CDKL4: variants seen among roughly 807,000 people sequenced by gnomAD.
CDKL4 encodes the protein cyclin-dependent kinase-like 4.
CDKL4 carries 44 observed loss-of-function variants against 42.0 expected under a neutral mutation model. The observed-to-expected ratio is 1.05, with a 90% CI of 0.82 to 1.35. The LOEUF (loss-of-function observed/expected upper bound fraction) is 1.35. CDKL4 is among the 40% of genes most tolerant of loss of function. The probability of loss-of-function intolerance (pLI) is 0.00; values close to 1 mark genes in which losing one functional copy is unlikely to be tolerated. For missense variants in CDKL4, 393 were observed against 369.9 expected (o/e 1.06, Z -0.51); for synonymous variants, 120 against 121.6 (o/e 0.99, Z 0.09).
At chr2:39,179,123 G>A in intron 9 of CDKL4, 64 bp downstream of exon 9, 1 of 1,560,134 alleles carries the variant, frequency 6.4e-7, no homozygotes, top group Non-Finnish European at 8.6e-7. Flanking sequence ...CACTTTGAAA[G>A]GCAGACAAAC....
intron 5 of CDKL4, among the ~76,000 whole-genome samples, chr2:39,194,814 C>G (rs1676415373): frequency 6.6e-6 from 1 of 152,034 alleles, no homozygotes; most frequent in Non-Finnish European, 1.5e-5. Flanking sequence ...TGGTAAAATA[C>G]ACATAATATA....
At chr2:39,185,057 TAAC>T (rs1232085039) in intron 7 of CDKL4, among the ~76,000 whole-genome samples, 2 of 149,194 alleles carry the variant, frequency 1.3e-5, no homozygotes, top group South Asian at 2.1e-4. Flanking sequence ...ATATTAGTAA[TAAC>T]AACACTTTAA....
At chr2:39,172,397 T>C (rs1407550031), downstream of CDKL4, among the ~76,000 whole-genome samples, 2 of 152,038 alleles carry the variant, frequency 1.3e-5, no homozygotes, top group Non-Finnish European at 2.9e-5. Flanking sequence ...GCAACTGTTG[T>C]TCATGGGCTG....
At chr2:39,189,848 G>C (rs1676070901) in intron 6 of CDKL4, among the ~76,000 whole-genome samples, 1 of 152,206 alleles carries the variant, frequency 6.6e-6, no homozygotes, top group Admixed American at 6.5e-5. Flanking sequence ...CTGCAACAGA[G>C]GCTGTACAGC....
chr2:39,242,562 T>C (rs1679714371), intron 1 of CDKL4, among the ~76,000 whole-genome samples: 1 of 152,164 alleles, frequency 6.6e-6, no homozygotes, highest in African/African-American at 2.4e-5. Context: ...AATTTCTATT[T>C]AATTTCCTTA....
At chr2:39,218,428 G>C (rs1445754154) in intron 3 of CDKL4, among the ~76,000 whole-genome samples, 1 of 152,176 alleles carries the variant, frequency 6.6e-6, no homozygotes, top group African/African-American at 2.4e-5. Context: ...GAGTTTGGGA[G>C]TTTGAGGCTG....
chr2:39,180,416 C>A (rs1164080183), intron 8 of CDKL4, among the ~76,000 whole-genome samples: 1 of 152,220 alleles, frequency 6.6e-6, no homozygotes, highest in Non-Finnish European at 1.5e-5. Flanking sequence ...CCTCCCTGAC[C>A]CCAGCTGACC....
chr2:39,174,564 TCAA>T (rs1412452174), downstream of CDKL4, among the ~76,000 whole-genome samples: 1 of 152,228 alleles, frequency 6.6e-6, no homozygotes, highest in Non-Finnish European at 1.5e-5. Context: ...TCATGTTTCT[TCAA>T]CAACAATATA....
rs930469911 is a variant in CDKL4, at chr2:39,229,591, G to A, written c.-56-3C>T. ...TGACTTGCAGTACAATGCTGCACCTGGAAAATAAGGTAGACTTGCCTTAAT... is the reference window on the plus strand; with the variant it reads ...TGACTTGCAGTACAATGCTGCACCTAGAAAATAAGGTAGACTTGCCTTAAT... On this transcript the variant is annotated splice_polypyrimidine_tract_variant and splice_region_variant and intron_variant, in intron 1 of 9. Transcript: ENST00000451199. 14 of 1,343,024 alleles carry A rather than the reference G, an allele frequency of 1.0e-5. No individual in the cohort carries two copies. Among genetic ancestry groups the A allele is most frequent in the South Asian group, 4.2e-5 (3 of 71,610 alleles). 83.2% of individuals were successfully genotyped at this position (1,343,024 alleles called of 1,614,324 possible).
intron 4 of CDKL4, among the ~76,000 whole-genome samples, chr2:39,212,866 GC>G (rs755037441): frequency 2.0e-5 from 3 of 151,840 alleles, no homozygotes; most frequent in African/African-American, 4.8e-5. Flanking sequence ...TCTCCATGTT[GC>G]CCAGGCTGGT....
chr2:39,224,323 G>A (rs978172438), intron 3 of CDKL4, among the ~76,000 whole-genome samples: 2 of 151,982 alleles, frequency 1.3e-5, no homozygotes, highest in African/African-American at 4.8e-5. Context: ...CAGATAAACT[G>A]TAGAGGCAAT....
At chr2:39,234,017 G>A (rs537829615) in intron 1 of CDKL4, among the ~76,000 whole-genome samples, 2 of 149,614 alleles carry the variant, frequency 1.3e-5, no homozygotes, top group South Asian at 4.2e-4. Context: ...GGGTTCAAGC[G>A]ATTCTCCTGC....
chr2:39,194,231 A>G (rs930662418), intron 5 of CDKL4, among the ~76,000 whole-genome samples: 13 of 152,158 alleles, frequency 8.5e-5, no homozygotes, highest in Non-Finnish European at 2.9e-5. Context: ...CCGAGGTGGA[A>G]GGATCACTTG....
chr2:39,203,298 A>G (rs563151124), intron 5 of CDKL4, among the ~76,000 whole-genome samples: 1 of 152,368 alleles, frequency 6.6e-6, no homozygotes, highest in African/African-American at 2.4e-5. Context: ...TTGCCAGCCC[A>G]TGGAGAAAAA....
At chr2:39,228,857 G>C (rs964621296) in intron 2 of CDKL4, among the ~76,000 whole-genome samples, 1 of 152,192 alleles carries the variant, frequency 6.6e-6, no homozygotes, top group African/African-American at 2.4e-5. Flanking sequence ...TCTTATCAGA[G>C]TGAAAACAAT....
chr2:39,210,251 A>G (rs1263970752), intron 4 of CDKL4, among the ~76,000 whole-genome samples: 1 of 152,148 alleles, frequency 6.6e-6, no homozygotes, highest in African/African-American at 2.4e-5. Flanking sequence ...TCAACCTCCC[A>G]AAGTCCTGGG....
chr2:39,171,678 C>A (rs1426557797), downstream of CDKL4, among the ~76,000 whole-genome samples: 2 of 152,148 alleles, frequency 1.3e-5, no homozygotes, highest in African/African-American at 4.8e-5. Context: ...CCTGAAAATA[C>A]TGTGAAAAGC....
chr2:39,212,172 G>T (rs1432203024), intron 4 of CDKL4, among the ~76,000 whole-genome samples: 3 of 152,036 alleles, frequency 2.0e-5, no homozygotes, highest in Admixed American at 1.3e-4. Context: ...GTTTTAACAA[G>T]CCCTCCTTGT....
At chr2:39,191,236 T>G (rs182465175) in intron 5 of CDKL4, among the ~76,000 whole-genome samples, 142 of 152,168 alleles carry the variant, frequency 9.3e-4, no homozygotes, top group Non-Finnish European at 5.9e-5. Flanking sequence ...CTGTCTCTAC[T>G]AAAAATACGA....
Sources: allele counts gnomAD v4.1 joint callset (sites outside exome capture counted in the v4.1 genomes callset), GRCh38; gene constraint gnomAD v4.1.1; transcripts MANE v1.5; gene names NCBI Gene and HGNC (gene_info 2026-07-23, HGNC 2026-07-21).